Variants in SH3BGR observed in about 807,000 individuals in gnomAD.
The protein encoded by SH3BGR is SH3 domain-binding glutamic acid-rich protein.
In SH3BGR, 29 loss-of-function variants were observed where a neutral mutation model predicts 24.5. The observed-to-expected ratio is 1.18, with a 90% CI of 0.88 to 1.61. SH3BGR has a LOEUF of 1.61. Among genes scored for constraint, SH3BGR ranks in the 40% most tolerant of loss-of-function variants. SH3BGR has a pLI of 0.00. For missense variants in SH3BGR, 162 were observed against 205.8 expected, an observed-to-expected ratio of 0.79 and a Z score of 1.30; for synonymous variants, 55 against 65.7, an observed-to-expected ratio of 0.84 and a Z score of 0.79.
upstream of SH3BGR, among the ~76,000 whole-genome samples, chr21:39,447,989 C>G (rs1211272497): frequency 6.6e-6 from 1 of 152,118 alleles, no homozygotes. Context: ...CCTCTGAAGG[C>G]TCTTAGGGAG....
intron 1 of SH3BGR, 46 bp from the exon 2 acceptor site, chr21:39,462,328 CA>C: frequency 6.9e-7 from 1 of 1,440,052 alleles, no homozygotes; most frequent in Non-Finnish European, 9.5e-7. Context: ...TAAATGTAAG[CA>C]AAATATTTTT....
intron 3 of SH3BGR, among the ~76,000 whole-genome samples, chr21:39,495,544 A>C (rs1602149324): frequency 1.3e-5 from 2 of 151,890 alleles, no homozygotes; most frequent in East Asian, 3.9e-4. Flanking sequence ...CAGTGGCATA[A>C]TCATGGCCCA....
At chr21:39,457,222 A>G (rs1458890290) in intron 1 of SH3BGR, among the ~76,000 whole-genome samples, 1 of 119,902 alleles carries the variant, frequency 8.3e-6, no homozygotes, top group Admixed American at 9.9e-5. Context: ...TATAAAAATC[A>G]TATATAGTTA....
chr21:39,511,325 T>C lies in SH3BGR; in HGVS notation c.436-355T>C, dbSNP rs111073749. On this transcript the variant is annotated intron_variant, in intron 5 of 6. Transcript: ENST00000333634. The surrounding 1 kb of genome is among the most constrained non-coding windows in gnomAD (Gnocchi z 4.2). ...TATATGTGATGTGGTGTGTGGGGTG[T>C]GTGGTCTGGTGTGTGTGTGTGCTAT... Among the ~76,000 whole-genome samples, 12,949 of 150,600 alleles carry C rather than the reference T, an allele frequency of 0.086. 785 individuals are homozygous for C. The highest frequency in any genetic ancestry group is 0.17 in the African/African-American group (7,100 of 40,994).
chr21:39,462,795 C>T (rs1390446786), intron 2 of SH3BGR, among the ~76,000 whole-genome samples: 1 of 152,124 alleles, frequency 6.6e-6, no homozygotes, highest in Non-Finnish European at 1.5e-5. Flanking sequence ...ATTTCAGGTT[C>T]TTTGTTTTAT....
chr21:39,507,329 A>ATATT (rs936231227), intron 4 of SH3BGR, among the ~76,000 whole-genome samples: 11 of 151,836 alleles, frequency 7.2e-5, no homozygotes, highest in African/African-American at 2.2e-4. Context: ...GCCTTCTGTG[A>ATATT]TATTTATTTA....
chr21:39,494,828 A>G (rs1303443726), intron 3 of SH3BGR, among the ~76,000 whole-genome samples: 1 of 152,028 alleles, frequency 6.6e-6, no homozygotes, highest in African/African-American at 2.4e-5. Context: ...CTGGCACTCT[A>G]ATTACATATA....
intron 3 of SH3BGR, among the ~76,000 whole-genome samples, chr21:39,495,175 A>G (rs140445984): frequency 7.0e-4 from 107 of 152,192 alleles, no homozygotes; most frequent in African/African-American, 2.5e-3. Context: ...TCCAGCATCC[A>G]GGTCTTTTCT....
upstream of SH3BGR, among the ~76,000 whole-genome samples, chr21:39,448,841 G>C (rs986420275): frequency 1.3e-5 from 2 of 152,098 alleles, no homozygotes; most frequent in African/African-American, 4.8e-5. Flanking sequence ...AACTGACCCC[G>C]ATAGACTGCC....
chr21:39,497,711 G>A (rs1443424598), intron 3 of SH3BGR, among the ~76,000 whole-genome samples: 18 of 151,980 alleles, frequency 1.2e-4, no homozygotes. Context: ...AATAGAAATA[G>A]CTAAAAATTT....
intron 5 of SH3BGR, 83 bp downstream of exon 5, chr21:39,509,110 C>T (rs931503843): frequency 1.8e-5 from 20 of 1,123,850 alleles, no homozygotes; most frequent in South Asian, 1.1e-4. Context: ...GCTTGAGGCA[C>T]GTTCTTAATA....
intron 2 of SH3BGR, among the ~76,000 whole-genome samples, chr21:39,463,504 G>A (rs932824799): frequency 6.6e-6 from 1 of 152,246 alleles, no homozygotes. Flanking sequence ...GCTGTGTGAA[G>A]TAGAGGGAAT....
At chr21:39,497,301 T>C (rs2078413868) in intron 3 of SH3BGR, among the ~76,000 whole-genome samples, 1 of 151,476 alleles carries the variant, frequency 6.6e-6, no homozygotes, top group African/African-American at 2.4e-5. Context: ...ATATATAATA[T>C]AGACATAATT....
chr21:39,506,447 G>A (rs1193484116), intron 4 of SH3BGR, among the ~76,000 whole-genome samples: 4 of 152,170 alleles, frequency 2.6e-5, no homozygotes, highest in African/African-American at 4.8e-5. Context: ...CTGTTCTCAC[G>A]CTGCTAATAA....
chr21:39,512,216 G>T (rs147639068), intron 6 of SH3BGR, among the ~76,000 whole-genome samples: 40 of 152,240 alleles, frequency 2.6e-4, no homozygotes, highest in African/African-American at 9.4e-4. Context: ...AACTTTAGGG[G>T]GGTGACTACT....
At chr21:39,475,947 G>C (rs2078020873) in intron 3 of SH3BGR, among the ~76,000 whole-genome samples, 1 of 152,212 alleles carries the variant, frequency 6.6e-6, no homozygotes, top group Non-Finnish European at 1.5e-5. Context: ...GTTTGAATGA[G>C]ACAGCTGAGT....
intron 1 of SH3BGR, among the ~76,000 whole-genome samples, chr21:39,461,133 AG>A (rs1410604511): frequency 6.9e-6 from 1 of 145,818 alleles, no homozygotes; most frequent in East Asian, 2.0e-4. Flanking sequence ...CTAGTTTTGT[AG>A]ATTTTTTTTT....
At chr21:39,487,423 A>T (rs2078229472) in intron 3 of SH3BGR, among the ~76,000 whole-genome samples, 1 of 152,152 alleles carries the variant, frequency 6.6e-6, no homozygotes, top group South Asian at 2.1e-4. Context: ...GATTATATAC[A>T]GGTGTGAGCC....
At chr21:39,459,853 G>C (rs1417941221) in intron 1 of SH3BGR, among the ~76,000 whole-genome samples, 1 of 152,130 alleles carries the variant, frequency 6.6e-6, no homozygotes, top group Non-Finnish European at 1.5e-5. Flanking sequence ...ATAGGTGTGA[G>C]CCACTGCACC....
Sources: allele counts gnomAD v4.1 joint callset (sites outside exome capture counted in the v4.1 genomes callset), GRCh38; gene constraint gnomAD v4.1.1; non-coding constraint Gnocchi (gnomAD v3.1); transcripts MANE v1.5; gene names NCBI Gene and HGNC (gene_info 2026-07-23, HGNC 2026-07-21).